OSBPL3: variants seen among roughly 807,000 people sequenced by gnomAD.
OSBPL3 encodes the protein oxysterol-binding protein-related protein 3.
Under a neutral mutation model 120.1 loss-of-function variants are expected in OSBPL3, and 65 were observed. The ratio of observed to expected loss-of-function variants is 0.54; its 90% CI spans 0.44 to 0.67. The LOEUF is 0.67. OSBPL3 is among the 30% of genes least tolerant of loss of function. OSBPL3 has a pLI of 0.00. For missense variants in OSBPL3, 1,004 were observed against 1,082.1 expected, an observed-to-expected ratio of 0.93 and a Z score of 1.01; for synonymous variants, 416 against 402.6, an observed-to-expected ratio of 1.03 and a Z score of -0.40.
Position 24,953,629 on chromosome 7 carries a change from G to A in OSBPL3, c.-150+26257C>T, listed in dbSNP as rs1471246715. 6.6e-6 allele frequency among the ~76,000 whole-genome samples: 1 copy of A among 152,176 alleles called. No individual in the cohort carries two copies. Among genetic ancestry groups the A allele is most frequent in the Admixed American group, 6.5e-5 (1 of 15,282 alleles). ...GTGATCAAACAGTTCAGACAGGGAA[G>A]GAAGCTTACTCTAAACAGAAGCTGC... On this transcript the variant is annotated intron_variant, in intron 1 of 22. Coordinates refer to ENST00000313367, the MANE Select transcript of OSBPL3 (RefSeq NM_015550.4). This position sits in a 1 kb window ranked among gnomAD's most constrained non-coding sequence, Gnocchi z 4.3.
chr7:24,943,522 G>T (rs1380077085), intron 1 of OSBPL3, among the ~76,000 whole-genome samples: 2 of 152,154 alleles, frequency 1.3e-5, no homozygotes, highest in Admixed American at 6.5e-5. Flanking sequence ...GCTTTGGTGG[G>T]ATATTTTAAT....
At position 24,913,806 on chromosome 7, in the gene OSBPL3, G is replaced by T. The variant is rs1440421118; in HGVS notation, c.-149-21185C>A. On this transcript the variant is annotated intron_variant, in intron 1 of 22. Coordinates refer to ENST00000313367, the MANE Select transcript of OSBPL3 (RefSeq NM_015550.4). The surrounding 1 kb of genome is among the most constrained non-coding windows in gnomAD (Gnocchi z 5.3). ...ACTAAGGTAACAGGGTCAGTCAGTG[G>T]GGATACAACTAGGACGAGGACAAGG... Among the ~76,000 whole-genome samples, 6 of 152,058 alleles carry T rather than the reference G, an allele frequency of 3.9e-5. No homozygotes were observed. The highest frequency in any genetic ancestry group is 1.4e-4 in the African/African-American group (6 of 41,402).
rs1802422899 is a variant in OSBPL3, at chr7:24,873,329, G to C, written c.97-1260C>G. 6.6e-6 allele frequency among the ~76,000 whole-genome samples: 1 copy of C among 152,230 alleles called. No individual in the cohort carries two copies. The highest frequency in any genetic ancestry group is 2.4e-5 in the African/African-American group (1 of 41,456). On this transcript the variant is annotated intron_variant, in intron 2 of 22. Coordinates refer to ENST00000313367, the MANE Select transcript of OSBPL3 (RefSeq NM_015550.4). The surrounding 1 kb of genome is among the most constrained non-coding windows in gnomAD (Gnocchi z 4.1). Reference sequence around the variant, plus strand: ...CAGGGTCCTGAGTGGCTCTGGCTCAGTTTCTGTGTTGTCCTCAAGTTCAAT... The same window carrying C: ...CAGGGTCCTGAGTGGCTCTGGCTCACTTTCTGTGTTGTCCTCAAGTTCAAT...
Position 24,851,186 on chromosome 7 carries a change from A to G in OSBPL3, c.1158+1318T>C, listed in dbSNP as rs1334986145. Among the ~76,000 whole-genome samples, 1 of 152,238 alleles carries G rather than the reference A, an allele frequency of 6.6e-6. No homozygotes were observed. Among genetic ancestry groups the G allele is most frequent in the Non-Finnish European group, 1.5e-5 (1 of 68,044 alleles). On this transcript the variant is annotated intron_variant, in intron 11 of 22. Transcript: ENST00000313367. This position sits in a 1 kb window ranked among gnomAD's most constrained non-coding sequence, Gnocchi z 4.1. ...GCTTAATGAGAACAATAAGAAAGTT[A>G]GGGAAAAAAAACAAAAACACTTTGC...
Position 24,872,149 on chromosome 7 carries a change from T to C in OSBPL3, c.97-80A>G. 1 of 1,008,906 alleles carries C rather than the reference T, an allele frequency of 9.9e-7. No individual in the cohort carries two copies. The highest frequency in any genetic ancestry group is 1.6e-6 in the Non-Finnish European group (1 of 639,510). 62.5% of individuals were successfully genotyped at this position (1,008,906 alleles called of 1,614,324 possible). A position where few individuals can be genotyped will look rare whatever the true frequency, so the allele number is the denominator to read the frequency against. On this transcript the variant is annotated intron_variant, in intron 2 of 22. Coordinates refer to ENST00000313367, the MANE Select transcript of OSBPL3 (RefSeq NM_015550.4). The surrounding 1 kb of genome is among the most constrained non-coding windows in gnomAD (Gnocchi z 4.1). ...GGTAAAAAGCACTGCATCCTGTCAG[T>C]AAATTTATTCAAGATGGGGAGGCTG...
Position 24,949,637 on chromosome 7 carries a change from A to G in OSBPL3, c.-150+30249T>C, listed in dbSNP as rs372708189. On this transcript the variant is annotated intron_variant, in intron 1 of 22. Transcript: ENST00000313367. ...GCTGACAGCTCCCACTAAAGACAGC[A>G]TAAGTGTCTCTTTTGTCCCCAGAGC... Among the ~76,000 whole-genome samples the G allele has an allele frequency of 1.2e-4, 18 of 152,286 alleles. No homozygotes were observed. In the East Asian group the frequency reaches 1.9e-3, roughly 16 times the overall value.
chr7:24,860,828 T>C (rs1800431312), intron 10 of OSBPL3, among the ~76,000 whole-genome samples: 1 of 152,238 alleles, frequency 6.6e-6, no homozygotes, highest in Non-Finnish European at 1.5e-5. Flanking sequence ...CATTCATCTG[T>C]TGAAAACCAC....
In OSBPL3 at chr7:24,890,863, G is replaced by A. The variant is rs1805240977; in HGVS notation, c.96+1514C>T. Reference sequence around the variant, plus strand: ...GATGTAACTTCCAAAAAAGCTTTGTGAAAACCAAATCAATTCCAAATAACA... The same window carrying A: ...GATGTAACTTCCAAAAAAGCTTTGTAAAAACCAAATCAATTCCAAATAACA... On this transcript the variant is annotated intron_variant, in intron 2 of 22. Coordinates refer to ENST00000313367, the MANE Select transcript of OSBPL3 (RefSeq NM_015550.4). Among the ~76,000 whole-genome samples, 2 of 152,142 alleles carry A rather than the reference G, an allele frequency of 1.3e-5. 1 individual carries two copies. Among genetic ancestry groups the A allele is most frequent in the South Asian group, 4.1e-4 (2 of 4,820 alleles).
chr7:24,816,529 C>T (rs1000309391), intron 18 of OSBPL3, 81 bp downstream of exon 18: 16 of 839,782 alleles, frequency 1.9e-5, no homozygotes, highest in South Asian at 2.8e-5. Context: ...CTGCCGGGGG[C>T]GGGGGTGGGC....
At chr7:24,958,888 T>TA (rs778863594) in intron 1 of OSBPL3, among the ~76,000 whole-genome samples, 57 of 152,306 alleles carry the variant, frequency 3.7e-4, no homozygotes, top group Non-Finnish European at 7.9e-4. Flanking sequence ...TATCACCACT[T>TA]AAATGCTGAT....
chr7:24,960,305 C>T (rs895579543), intron 1 of OSBPL3, among the ~76,000 whole-genome samples: 1 of 151,978 alleles, frequency 6.6e-6, no homozygotes, highest in Non-Finnish European at 1.5e-5. Context: ...AGGCATGCCC[C>T]GCTAGTGTGG....
chr7:24,840,676 A>G lies in OSBPL3; in HGVS notation c.1495+14T>C. The G allele has an allele frequency of 8.8e-7, 1 of 1,134,114 alleles. No individual in the cohort carries two copies. Among genetic ancestry groups the G allele is most frequent in the Non-Finnish European group, 1.3e-6 (1 of 782,768 alleles). 70.3% of individuals were successfully genotyped at this position (1,134,114 alleles called of 1,614,324 possible). A position where few individuals can be genotyped will look rare whatever the true frequency, so the allele number is the denominator to read the frequency against. On this transcript the variant is annotated intron_variant, in intron 14 of 22. Transcript: ENST00000313367. ...AATCCAAACTTTTCAGAGATTAAAT[A>G]ATGTAAATCTTACCCAAGGTCTGTC...
Position 24,891,708 on chromosome 7 carries a change from C to G in OSBPL3, c.96+669G>C, listed in dbSNP as rs1348163725. 3.3e-5 allele frequency among the ~76,000 whole-genome samples: 5 copies of G among 152,156 alleles called. No homozygotes were observed. Among genetic ancestry groups the G allele is most frequent in the Admixed American group, 6.5e-5 (1 of 15,276 alleles). ...AACAAAGATTTATTAGAAAGGAAAC[C>G]AAGAAACAATATATAATTACTCAAC... On this transcript the variant is annotated intron_variant, in intron 2 of 22. Coordinates refer to ENST00000313367, the MANE Select transcript of OSBPL3 (RefSeq NM_015550.4). The surrounding 1 kb of genome is among the most constrained non-coding windows in gnomAD (Gnocchi z 4.1).
chr7:24,811,423 G>C (rs978290334), intron 19 of OSBPL3, among the ~76,000 whole-genome samples: 1 of 152,056 alleles, frequency 6.6e-6, no homozygotes, highest in Non-Finnish European at 1.5e-5. Context: ...CCTCTTATCG[G>C]ATGTATAGTT....
intron 1 of OSBPL3, among the ~76,000 whole-genome samples, chr7:24,919,144 A>G (rs1329092210): frequency 6.6e-6 from 1 of 152,210 alleles, no homozygotes; most frequent in Non-Finnish European, 1.5e-5. Context: ...ATATGACTTC[A>G]TAATGACAAA....
At chr7:24,823,024 T>C (rs1244344381) in intron 16 of OSBPL3, among the ~76,000 whole-genome samples, 1 of 152,210 alleles carries the variant, frequency 6.6e-6, no homozygotes, top group Admixed American at 6.5e-5. Flanking sequence ...GAGATTTACA[T>C]TGATAGCTTA....
chr7:24,934,880 G>C (rs1453656827), intron 1 of OSBPL3, among the ~76,000 whole-genome samples: 1 of 152,028 alleles, frequency 6.6e-6, no homozygotes, highest in Non-Finnish European at 1.5e-5. Context: ...CTTCTTTCTG[G>C]GGGACTTAAT....
At chr7:24,971,913 A>T (rs1197164795) in intron 1 of OSBPL3, among the ~76,000 whole-genome samples, 1 of 152,334 alleles carries the variant, frequency 6.6e-6, no homozygotes, top group East Asian at 1.9e-4. Flanking sequence ...AGGAAACCTC[A>T]GTTAATTCTA....
Position 24,827,710 on chromosome 7 carries a change from T to C in OSBPL3, c.1884+3058A>G, listed in dbSNP as rs1209602837. On this transcript the variant is annotated intron_variant, in intron 16 of 22. Transcript: ENST00000313367. The surrounding 1 kb of genome is among the most constrained non-coding windows in gnomAD (Gnocchi z 5.1). Reference sequence around the variant, plus strand: ...TGAGAGACTCATCCATTCTTAGGTATATTAAAATAACCAACTATCTGCAGC... The same window carrying C: ...TGAGAGACTCATCCATTCTTAGGTACATTAAAATAACCAACTATCTGCAGC... Among the ~76,000 whole-genome samples the C allele has an allele frequency of 6.6e-6, 1 of 152,238 alleles. No homozygotes were observed. The highest frequency in any genetic ancestry group is 2.4e-5 in the African/African-American group (1 of 41,446).
Sources: gnomAD v4.1 joint callset for allele counts (sites outside exome capture counted in the v4.1 genomes callset) on GRCh38, gnomAD v4.1.1 for gene constraint, Gnocchi (gnomAD v3.1) non-coding constraint, MANE v1.5 for transcripts, NCBI Gene and HGNC (gene_info 2026-07-23, HGNC 2026-07-21) for gene names.